The following NXPH2 variants were observed in gnomAD, a reference collection of about 807,000 sequenced individuals.
NXPH2 encodes the protein neurexophilin 2.
A neutral mutation model predicts 19.8 loss-of-function variants in NXPH2; 5 were observed. The ratio of observed to expected loss-of-function variants is 0.25; its 90% confidence interval spans 0.13 to 0.53. NXPH2 has a LOEUF of 0.53. Ranked by LOEUF, NXPH2 falls within the 20% of genes least tolerant of loss-of-function variation. The pLI, the probability that NXPH2 is intolerant of heterozygous loss-of-function variation, is 0.96. For missense variants in NXPH2, 289 were observed against 322.8 expected (o/e 0.90, Z 0.80); for synonymous variants, 154 against 127.4 (o/e 1.21, Z -1.41).
At chr2:138,765,682 T>C (rs529503689) in intron 1 of NXPH2, among the ~76,000 whole-genome samples, 1 of 152,226 alleles carries the variant, frequency 6.6e-6, no homozygotes, top group Non-Finnish European at 1.5e-5. Context: ...AGCTGTAAGC[T>C]GTTTTTTATC....
chr2:138,720,761 T>C (rs978827900), intron 1 of NXPH2, among the ~76,000 whole-genome samples: 2 of 152,190 alleles, frequency 1.3e-5, no homozygotes, highest in Non-Finnish European at 2.9e-5. Context: ...TATAGGATCT[T>C]GGGGTCTCTG....
intron 1 of NXPH2, among the ~76,000 whole-genome samples, chr2:138,702,851 AGAG>A (rs2104983079): frequency 6.6e-6 from 1 of 152,340 alleles, no homozygotes; most frequent in South Asian, 2.1e-4. Context: ...GCCAAAGCAA[AGAG>A]AAGATAGGGA....
chr2:138,749,110 TC>T (rs1416314975), intron 1 of NXPH2, among the ~76,000 whole-genome samples: 12 of 152,184 alleles, frequency 7.9e-5, no homozygotes, highest in Non-Finnish European at 1.8e-4. Context: ...GGTGACTAGA[TC>T]ACGGGGCAGT....
Position 138,772,926 on chromosome 2 carries a change from T to C in NXPH2, c.51+7265A>G, listed in dbSNP as rs1298508786. ...AAAATGGATGCAATAACTATCATTC[T>C]ACTTACTTTTCAGAGCTGATGCACA... On this transcript the variant is annotated intron_variant, in intron 1 of 1. Transcript: ENST00000272641. Among the ~76,000 whole-genome samples the C allele has an allele frequency of 3.9e-5, 6 of 152,364 alleles. No homozygotes were observed. The South Asian group carries it at 6.2e-4, about 16-fold the overall frequency.
intron 1 of NXPH2, among the ~76,000 whole-genome samples, chr2:138,739,925 A>G (rs183261272): frequency 9.8e-5 from 15 of 152,342 alleles, no homozygotes; most frequent in African/African-American, 3.4e-4. Context: ...GGGAGGATAC[A>G]GTTCTTGACC....
intron 1 of NXPH2, 34 bp downstream of exon 1, chr2:138,780,157 G>C (rs1322787109): frequency 3.4e-6 from 5 of 1,473,172 alleles, no homozygotes; most frequent in Non-Finnish European, 4.5e-6. Context: ...ACGCGTCCCC[G>C]GCGTGTGGGA....
At chr2:138,745,774 G>A (rs1163719344) in intron 1 of NXPH2, among the ~76,000 whole-genome samples, 2 of 151,658 alleles carry the variant, frequency 1.3e-5, no homozygotes, top group African/African-American at 4.9e-5. Flanking sequence ...ACAATTTCAG[G>A]ACAGCTGTTA....
At chr2:138,757,625 C>A (rs1249999320) in intron 1 of NXPH2, among the ~76,000 whole-genome samples, 2 of 152,124 alleles carry the variant, frequency 1.3e-5, no homozygotes, top group Non-Finnish European at 2.9e-5. Flanking sequence ...CATGCTGCAG[C>A]ATGAGACACA....
intron 1 of NXPH2, among the ~76,000 whole-genome samples, chr2:138,756,032 CA>C (rs2104836122): frequency 6.6e-6 from 1 of 152,046 alleles, no homozygotes; most frequent in Admixed American, 6.6e-5. Context: ...GAGACCTTGC[CA>C]TACTCACTTA....
intron 1 of NXPH2, among the ~76,000 whole-genome samples, chr2:138,683,176 C>A (rs912082932): frequency 1.2e-4 from 18 of 152,086 alleles, no homozygotes; most frequent in African/African-American, 4.1e-4. Flanking sequence ...TTTTGATAAT[C>A]TAGTAGACTG....
At chr2:138,681,398 T>A (rs1558912282) in intron 1 of NXPH2, among the ~76,000 whole-genome samples, 1 of 152,250 alleles carries the variant, frequency 6.6e-6, no homozygotes. Context: ...AAGAGAATGT[T>A]TTCAGATTTC....
At chr2:138,732,828 G>A (rs2105000798) in intron 1 of NXPH2, among the ~76,000 whole-genome samples, 1 of 152,104 alleles carries the variant, frequency 6.6e-6, no homozygotes, top group Non-Finnish European at 1.5e-5. Context: ...CACTTTTAGA[G>A]GTCTGCTCAC....
At position 138,670,256 on chromosome 2, in the gene NXPH2, C is replaced by T. The variant is rs1244356495; in HGVS notation, c.*666G>A. On this transcript the variant is annotated 3_prime_UTR_variant, in exon 2 of 2. Transcript: ENST00000272641. ...CTTTCCCATTACATCAGTATTCAAACTCAGGGGGAATCATAAGAATGGTGA... is the reference window on the plus strand; with the variant it reads ...CTTTCCCATTACATCAGTATTCAAATTCAGGGGGAATCATAAGAATGGTGA... Among the ~76,000 whole-genome samples, 1 of 152,124 alleles carries T rather than the reference C, an allele frequency of 6.6e-6. No individual in the cohort carries two copies. Among genetic ancestry groups the T allele is most frequent in the African/African-American group, 2.4e-5 (1 of 41,412 alleles).
chr2:138,703,360 AAT>A (rs1680960812), intron 1 of NXPH2, among the ~76,000 whole-genome samples: 1 of 152,194 alleles, frequency 6.6e-6, no homozygotes. Context: ...CATCAGTACC[AAT>A]TTCAAGACAA....
chr2:138,696,277 A>G (rs1393058843), intron 1 of NXPH2, among the ~76,000 whole-genome samples: 2 of 152,184 alleles, frequency 1.3e-5, no homozygotes, highest in Admixed American at 6.6e-5. Context: ...AGAAATAGAT[A>G]TAACTCAATG....
chr2:138,691,306 A>G (rs1476555798), intron 1 of NXPH2, among the ~76,000 whole-genome samples: 1 of 152,220 alleles, frequency 6.6e-6, no homozygotes, highest in Non-Finnish European at 1.5e-5. Flanking sequence ...AAGTCTCCAC[A>G]TACCCAGTTG....
chr2:138,714,505 T>C (rs957068322), intron 1 of NXPH2, among the ~76,000 whole-genome samples: 3 of 152,158 alleles, frequency 2.0e-5, no homozygotes, highest in Admixed American at 1.3e-4. Flanking sequence ...TTAAAGTCTT[T>C]TTGAAGGTTA....
chr2:138,690,779 G>T (rs966440436), intron 1 of NXPH2, among the ~76,000 whole-genome samples: 2 of 152,216 alleles, frequency 1.3e-5, no homozygotes, highest in East Asian at 1.9e-4. Flanking sequence ...TGGTAAGAAT[G>T]GTTCTTACTC....
chr2:138,740,231 T>A (rs1228242592), intron 1 of NXPH2, among the ~76,000 whole-genome samples: 3 of 152,190 alleles, frequency 2.0e-5, no homozygotes, highest in African/African-American at 7.2e-5. Flanking sequence ...GGGCCTTGGG[T>A]AACTTAGGAA....
Sources: gnomAD v4.1 joint callset for allele counts (sites outside exome capture counted in the v4.1 genomes callset) on GRCh38, gnomAD v4.1.1 for gene constraint, MANE v1.5 for transcripts, NCBI Gene and HGNC (gene_info 2026-07-23, HGNC 2026-07-21) for gene names.